The following DACH2 variants were observed in gnomAD, a reference collection of about 807,000 sequenced individuals.
DACH2 encodes the protein dachshund homolog 2.
In DACH2, 17 loss-of-function variants were observed where a neutral mutation model predicts 35.8. The observed-to-expected ratio is 0.48, with a 90% CI of 0.33 to 0.71. The LOEUF (loss-of-function observed/expected upper bound fraction) is 0.71. Ranked by LOEUF, DACH2 falls within the 30% of genes least tolerant of loss-of-function variation. The pLI, the probability that DACH2 is intolerant of heterozygous loss-of-function variation, is 0.02. For synonymous variants in DACH2, 195 were observed against 177.3 expected (o/e 1.10, Z -0.79); for missense variants, 469 against 472.7 (o/e 0.99, Z 0.07).
At chrX:86,402,275 C>T (rs1298464308) in intron 2 of DACH2, among the ~76,000 whole-genome samples, 1 of 111,835 alleles carries the variant, frequency 8.9e-6, no homozygotes, top group Non-Finnish European at 1.9e-5. Flanking sequence ...TAATTTTATA[C>T]ATTGAAAACT....
chrX:86,464,793 C>T lies in DACH2; in HGVS notation c.528-49486C>T, dbSNP rs1325187916. Among the ~76,000 whole-genome samples, 3 of 111,838 alleles carry T rather than the reference C, an allele frequency of 2.7e-5. No individual in the cohort carries two copies. In the Admixed American group the frequency reaches 2.8e-4, roughly 11 times the overall value. ...ATGAGTAACTTTCAGCTGCTAAAAA[C>T]AGGAAGACTTACACAGAAGAAAAAT... On this transcript the variant is annotated intron_variant, in intron 2 of 11. Coordinates refer to ENST00000373125, the MANE Select transcript of DACH2 (RefSeq NM_053281.3).
At chrX:86,258,205 A>T (rs1316480086) in intron 1 of DACH2, among the ~76,000 whole-genome samples, 2 of 112,031 alleles carry the variant, frequency 1.8e-5, no homozygotes, top group Non-Finnish European at 3.8e-5. Context: ...TTCTTTTTAA[A>T]TTTTTTAAAT....
chrX:86,758,452 A>T (rs2041849371), intron 7 of DACH2, among the ~76,000 whole-genome samples: 1 of 112,022 alleles, frequency 8.9e-6, no homozygotes, highest in African/African-American at 3.2e-5. Flanking sequence ...AAGATATTTT[A>T]AAATTTCCTC....
intron 4 of DACH2, among the ~76,000 whole-genome samples, chrX:86,674,021 T>C (rs1312559970): frequency 4.5e-5 from 5 of 111,937 alleles, no homozygotes; most frequent in African/African-American, 1.6e-4. Context: ...GTAAATTACC[T>C]AGTCTCAGGT....
chrX:86,481,917 T>G (rs1166482369), intron 2 of DACH2: 1 of 112,558 alleles, frequency 8.9e-6, no homozygotes, highest in Non-Finnish European at 1.9e-5. Context: ...TATTATTTTA[T>G]TCATCCATTT....
chrX:86,221,346 T>G (rs543850147), intron 1 of DACH2, among the ~76,000 whole-genome samples: 12 of 111,991 alleles, frequency 1.1e-4, no homozygotes, highest in African/African-American at 3.9e-4. Flanking sequence ...TTCTTAAAAC[T>G]CTTATTGAAG....
At chrX:86,191,779 A>C (rs1435866189) in intron 1 of DACH2, among the ~76,000 whole-genome samples, 2 of 110,408 alleles carry the variant, frequency 1.8e-5, no homozygotes, top group Non-Finnish European at 3.8e-5. Flanking sequence ...TGTCTCTACT[A>C]AAAATACAAA....
intron 1 of DACH2, among the ~76,000 whole-genome samples, chrX:86,238,402 C>CACAT (rs1461087832): frequency 8.9e-6 from 1 of 112,055 alleles, no homozygotes; most frequent in Non-Finnish European, 1.9e-5. Flanking sequence ...TAGCACTAGA[C>CACAT]ACATGTGATA....
chrX:86,721,444 C>T (rs1455836078), intron 6 of DACH2, among the ~76,000 whole-genome samples: 2 of 111,811 alleles, frequency 1.8e-5, no homozygotes, highest in Non-Finnish European at 3.8e-5. Flanking sequence ...CAAGAGTCAC[C>T]TTTATTCACG....
chrX:86,675,685 G>A (rs759726947), intron 4 of DACH2, among the ~76,000 whole-genome samples: 1 of 110,931 alleles, frequency 9.0e-6, no homozygotes, highest in Non-Finnish European at 1.9e-5. Flanking sequence ...ACACTGTCTC[G>A]AAAAAAAGTG....
intron 2 of DACH2, among the ~76,000 whole-genome samples, chrX:86,472,765 G>T (rs1336574849): frequency 1.8e-5 from 2 of 111,742 alleles, no homozygotes; most frequent in Non-Finnish European, 3.8e-5. Flanking sequence ...AGATTTAATA[G>T]GGTTTATAAG....
intron 10 of DACH2, among the ~76,000 whole-genome samples, chrX:86,815,618 T>C (rs1309755461): frequency 9.4e-6 from 1 of 105,965 alleles, no homozygotes; most frequent in Non-Finnish European, 1.9e-5. Flanking sequence ...TACACATATT[T>C]ATATATATAC....
rs1048384081 is a variant in DACH2 at position 86,469,016 on chromosome X, T to A, written c.528-45263T>A. On this transcript the variant is annotated intron_variant, in intron 2 of 11. Coordinates refer to ENST00000373125, the MANE Select transcript of DACH2 (RefSeq NM_053281.3). The stretch of plus-strand genomic sequence containing the variant: ...TATATATACACAATGTAATACTCTT[T>A]GACCATAAAAGGAATGAAATCTTGT... Among the ~76,000 whole-genome samples the A allele has an allele frequency of 6.1e-4, 68 of 111,735 alleles. 1 individual carries two copies. In the Admixed American group the frequency reaches 6.4e-3, roughly 11 times the overall value.
chrX:86,258,998 C>T (rs150875723), intron 1 of DACH2, among the ~76,000 whole-genome samples: 1 of 111,135 alleles, frequency 9.0e-6, no homozygotes, highest in African/African-American at 3.3e-5. Flanking sequence ...CTTTCCTTTT[C>T]TTTAAGGAGA....
chrX:86,452,031 CA>C (rs1221204645), intron 2 of DACH2, among the ~76,000 whole-genome samples: 1 of 111,566 alleles, frequency 9.0e-6, no homozygotes, highest in African/African-American at 3.3e-5. Context: ...GAGTTTTTAA[CA>C]TAAAGGGATG....
intron 6 of DACH2, among the ~76,000 whole-genome samples, chrX:86,726,246 C>T (rs1453464398): frequency 2.7e-5 from 3 of 110,884 alleles, no homozygotes; most frequent in South Asian, 3.9e-4. Flanking sequence ...TTTAGGAGTG[C>T]GTGGAATTGT....
chrX:86,786,799 C>A (rs1027823795), intron 7 of DACH2, among the ~76,000 whole-genome samples: 1 of 112,123 alleles, frequency 8.9e-6, no homozygotes, highest in African/African-American at 3.2e-5. Context: ...TGTTCATCAT[C>A]ATTGCTGATA....
intron 1 of DACH2, among the ~76,000 whole-genome samples, chrX:86,337,769 A>G (rs1407526026): frequency 8.9e-6 from 1 of 111,974 alleles, no homozygotes; most frequent in East Asian, 2.8e-4. Context: ...TAGACTGGCA[A>G]ATTGGATAAA....
intron 7 of DACH2, among the ~76,000 whole-genome samples, chrX:86,751,492 A>G (rs975111857): frequency 6.3e-5 from 7 of 111,458 alleles, no homozygotes; most frequent in Non-Finnish European, 1.1e-4. Context: ...AAAACTCTCA[A>G]TAAACTAGGT....
Sources: gnomAD v4.1 joint callset for allele counts (sites outside exome capture counted in the v4.1 genomes callset) on GRCh38, gnomAD v4.1.1 for gene constraint, MANE v1.5 for transcripts, NCBI Gene and HGNC (gene_info 2026-07-23, HGNC 2026-07-21) for gene names.